ANKDD1A: variants seen among roughly 807,000 people sequenced by gnomAD.
ANKDD1A encodes the protein ankyrin repeat and death domain-containing protein 1A.
In ANKDD1A, 59 loss-of-function variants were observed where a neutral mutation model predicts 63.5. The ratio of observed to expected loss-of-function variants is 0.93; its 90% confidence interval spans 0.75 to 1.15. ANKDD1A has a LOEUF of 1.15. ANKDD1A is among the 50% of genes most tolerant of loss of function. ANKDD1A has a pLI of 0.00. For synonymous variants in ANKDD1A, 266 were observed against 263.9 expected (o/e 1.01, Z -0.08); for missense variants, 632 against 656.4 (o/e 0.96, Z 0.41).
chr15:64,950,572 A>G, intron 14 of ANKDD1A: 1 of 985,474 alleles, frequency 1.0e-6, no homozygotes, highest in African/African-American at 1.7e-5. Context: ...GACGTGGTAC[A>G]TAATGGGGCA....
At chr15:64,919,560 T>C (rs2084993990) in intron 3 of ANKDD1A, among the ~76,000 whole-genome samples, 1 of 152,212 alleles carries the variant, frequency 6.6e-6, no homozygotes, top group African/African-American at 2.4e-5. Context: ...AGGAAGAACT[T>C]AAGTGCTTGT....
rs553751826 is a variant in ANKDD1A at position 64,925,790 on chromosome 15, G to A, written c.367-276G>A. Among the ~76,000 whole-genome samples the A allele has an allele frequency of 2.6e-5, 4 of 152,316 alleles. 1 individual carries two copies. The highest frequency in any genetic ancestry group is 4.4e-5 in the Non-Finnish European group (3 of 68,024). On this transcript the variant is annotated intron_variant, in intron 4 of 14. Transcript: ENST00000319580. ...TGCTAGTTTGTCCTGTGTGAAAGTG[G>A]AGGCTCAGAGAGGTGGAGGTAACTG...
chr15:64,957,706 T>C lies in ANKDD1A; in HGVS notation c.*518T>C, dbSNP rs1200938764. ...TATTAACTACTTCCCAAAATAGTATTTCTCTCAGCAGATATTTCTTTGGTA... is the reference window on the plus strand; with the variant it reads ...TATTAACTACTTCCCAAAATAGTATCTCTCTCAGCAGATATTTCTTTGGTA... On this transcript the variant is annotated 3_prime_UTR_variant, in exon 15 of 15. Coordinates refer to ENST00000319580, the MANE Select transcript of ANKDD1A (RefSeq NM_182703.6). The C allele has an allele frequency of 6.6e-6, 1 of 152,272 alleles. No homozygotes were observed. Among genetic ancestry groups the C allele is most frequent in the East Asian group, 1.9e-4 (1 of 5,206 alleles). The allele number at this position is 152,272 out of a possible 1,614,324, so 9.4% of individuals were successfully genotyped here.
In ANKDD1A at chr15:64,928,504, T is replaced by C. The variant is rs530914842; in HGVS notation, c.570+1505T>C. On this transcript the variant is annotated intron_variant, in intron 6 of 14. Transcript: ENST00000319580. ...CTGCAAAGAAGCTTTTAAAATTGCA[T>C]ACCCCTGTTAAGTTTTGTGTTTTCA... is the stretch of plus-strand genomic sequence containing the variant. Among the ~76,000 whole-genome samples, 12 of 152,280 alleles carry C rather than the reference T, an allele frequency of 7.9e-5. No individual in the cohort carries two copies. The South Asian group carries it at 2.5e-3, about 32-fold the overall frequency.
intron 7 of ANKDD1A, 123 bp downstream of exon 7, chr15:64,931,043 G>A: frequency 5.1e-6 from 5 of 985,578 alleles, no homozygotes; most frequent in Non-Finnish European, 7.4e-6. Flanking sequence ...CTCGAACTGA[G>A]AGCCCACCAG....
intron 9 of ANKDD1A, among the ~76,000 whole-genome samples, chr15:64,937,092 G>A (rs7183596): frequency 0.33 from 49,984 of 151,794 alleles, 9,088 homozygotes; most frequent in South Asian, 0.44. Flanking sequence ...ATATGTTACT[G>A]GAAGGAGTAG....
intron 2 of ANKDD1A, among the ~76,000 whole-genome samples, chr15:64,916,914 C>T (rs114114901): frequency 1.3e-4 from 20 of 152,302 alleles, no homozygotes; most frequent in African/African-American, 4.8e-4. Context: ...GGTCAGGTCC[C>T]TTCAGCCCCA....
chr15:64,956,262 T>C (rs2085415725), intron 14 of ANKDD1A, among the ~76,000 whole-genome samples: 1 of 151,462 alleles, frequency 6.6e-6, no homozygotes, highest in Non-Finnish European at 1.5e-5. Flanking sequence ...TGAAACAGTT[T>C]AGCTTGGCCG....
intron 3 of ANKDD1A, chr15:64,920,108 C>T (rs2084998020): frequency 6.6e-6 from 1 of 152,250 alleles, no homozygotes; most frequent in African/African-American, 2.4e-5. Flanking sequence ...CTCACAAAGG[C>T]TCCTGGTGGA....
At chr15:64,956,289 C>T (rs533356509) in intron 14 of ANKDD1A, among the ~76,000 whole-genome samples, 1 of 147,594 alleles carries the variant, frequency 6.8e-6, no homozygotes, top group East Asian at 2.0e-4. Flanking sequence ...GTGGCTCATG[C>T]CTGTAATCCC....
chr15:64,951,850 CTTT>C (rs1595858688), intron 14 of ANKDD1A, among the ~76,000 whole-genome samples: 10,434 of 50,786 alleles, frequency 0.21, 498 homozygotes, highest in Non-Finnish European at 0.35. Flanking sequence ...CTTTCTTCTT[CTTT>C]CTTCTTCCTC....
chr15:64,912,568 C>T (rs1186035794), intron 1 of ANKDD1A, among the ~76,000 whole-genome samples: 1 of 152,218 alleles, frequency 6.6e-6, no homozygotes, highest in Non-Finnish European at 1.5e-5. Context: ...AGTGCCAGGG[C>T]CTCTAGGCCG....
At chr15:64,918,415 C>T (rs2140365231) in intron 3 of ANKDD1A, among the ~76,000 whole-genome samples, 1 of 152,282 alleles carries the variant, frequency 6.6e-6, no homozygotes, top group East Asian at 1.9e-4. Flanking sequence ...CAACCCTTAC[C>T]TCCCCCATTC....
intron 13 of ANKDD1A, among the ~76,000 whole-genome samples, chr15:64,949,584 A>G (rs78697097): frequency 6.6e-6 from 1 of 152,238 alleles, no homozygotes; most frequent in African/African-American, 2.4e-5. Flanking sequence ...TGTTCAGGAG[A>G]AGGCCTGGGG....
chr15:64,951,691 C>CTTATTCTTTTCTTTT lies in ANKDD1A; in HGVS notation c.1483+1720_1483+1721insTATTCTTTTCTTTTT, dbSNP rs1218099535. On this transcript the variant is annotated intron_variant, in intron 14 of 14. Transcript: ENST00000319580. ...TTCTTTCTTTCCTTCTTTCTTCTTC[C>CTTATTCTTTTCTTTT]TCTTCTTCTTCCTTATTTTCTTTTT... Among the ~76,000 whole-genome samples, 121 of 117,588 alleles carry CTTATTCTTTTCTTTT rather than the reference C, an allele frequency of 1.0e-3. 1 individual carries two copies. The highest frequency in any genetic ancestry group is 3.3e-3 in the East Asian group (13 of 3,952). The allele number at this position is 117,588 out of a possible 152,430, so 77.1% of individuals were successfully genotyped here.
chr15:64,951,148 A>G (rs2085266363), intron 14 of ANKDD1A: 2 of 1,119,784 alleles, frequency 1.8e-6, no homozygotes. Flanking sequence ...TGAAATGCAC[A>G]GTCATGCAGA....
At chr15:64,916,034 T>C (rs1297785596) in intron 2 of ANKDD1A, 134 bp downstream of exon 2, 3 of 800,926 alleles carry the variant, frequency 3.7e-6, no homozygotes, top group Non-Finnish European at 5.8e-6. Flanking sequence ...GCTCGGGCTC[T>C]GTCCTCATGG....
At chr15:64,915,676 G>C in intron 1 of ANKDD1A, 121 bp from the exon 2 acceptor site, 1 of 786,740 alleles carries the variant, frequency 1.3e-6, no homozygotes, top group South Asian at 1.5e-5. Context: ...CTCTGCCCCT[G>C]TTCCTAGCTG....
intron 9 of ANKDD1A, among the ~76,000 whole-genome samples, chr15:64,936,661 AG>A: frequency 2.6e-5 from 4 of 152,018 alleles, no homozygotes; most frequent in East Asian, 1.9e-4. Flanking sequence ...CAGCATAGTG[AG>A]ACCCCCGTAT....
Sources: gnomAD v4.1 joint callset for allele counts (sites outside exome capture counted in the v4.1 genomes callset) on GRCh38, gnomAD v4.1.1 for gene constraint, MANE v1.5 for transcripts, NCBI Gene and HGNC (gene_info 2026-07-23, HGNC 2026-07-21) for gene names.